The following PVT1 variants were observed in gnomAD, a reference collection of about 807,000 sequenced individuals.
The protein encoded by PVT1 is CXCR4/PVT1 fusion.
At chr8:127,847,824 C>T (rs1478156712) in intron 2 of PVT1, among the ~76,000 whole-genome samples, 2 of 152,004 alleles carry the variant, frequency 1.3e-5, no homozygotes, top group African/African-American at 2.4e-5. Flanking sequence ...GAAACCAACA[C>T]AAGTGGTGGC....
At chr8:127,973,023 C>G (rs938316136) in intron 3 of PVT1, among the ~76,000 whole-genome samples, 2 of 152,306 alleles carry the variant, frequency 1.3e-5, no homozygotes, top group East Asian at 1.9e-4. Flanking sequence ...TCCCGAGTAG[C>G]TAGGACTACA....
chr8:128,074,318 A>C (rs1316367232), intron 5 of PVT1, among the ~76,000 whole-genome samples: 3 of 152,068 alleles, frequency 2.0e-5, no homozygotes, highest in Non-Finnish European at 2.9e-5. Context: ...CAGCCTGGCC[A>C]ATATGGTGAT....
At chr8:127,981,746 C>G (rs976238532) in intron 3 of PVT1, among the ~76,000 whole-genome samples, 1 of 152,154 alleles carries the variant, frequency 6.6e-6, no homozygotes, top group East Asian at 1.9e-4. Context: ...CCAGATGCCT[C>G]CTTTCTTCCC....
chr8:127,883,041 G>A (rs558709446), intron 2 of PVT1, among the ~76,000 whole-genome samples: 94 of 143,078 alleles, frequency 6.6e-4, no homozygotes, highest in African/African-American at 2.4e-3. Context: ...ACACTTGCAC[G>A]CACACATGCA....
At chr8:127,920,781 C>T (rs897820974) in intron 3 of PVT1, among the ~76,000 whole-genome samples, 1 of 152,068 alleles carries the variant, frequency 6.6e-6, no homozygotes, top group Admixed American at 6.6e-5. Context: ...CACCAAATAA[C>T]TTAAAGGCAA....
At chr8:127,814,739 G>A (rs1425094506) in intron 2 of PVT1, among the ~76,000 whole-genome samples, 2 of 152,152 alleles carry the variant, frequency 1.3e-5, no homozygotes, top group African/African-American at 2.4e-5. Context: ...TAAGGCCATT[G>A]GTATTGTTGT....
At chr8:128,074,635 A>C (rs973790427) in intron 5 of PVT1, among the ~76,000 whole-genome samples, 1 of 146,908 alleles carries the variant, frequency 6.8e-6, no homozygotes, top group Non-Finnish European at 1.5e-5. Flanking sequence ...TGGTTTTGAC[A>C]GAATAGTTGG....
intron 2 of PVT1, among the ~76,000 whole-genome samples, chr8:127,841,242 G>A (rs780929368): frequency 4.0e-4 from 61 of 152,170 alleles, no homozygotes; most frequent in Non-Finnish European, 7.1e-4. Context: ...GAAGGAAGGG[G>A]AGGTAGGTAC....
chr8:128,039,108 C>T (rs528173220), intron 4 of PVT1, among the ~76,000 whole-genome samples: 33 of 152,274 alleles, frequency 2.2e-4, no homozygotes, highest in African/African-American at 7.7e-4. Flanking sequence ...TTTCTTCTGG[C>T]CACAATCAAA....
intron 2 of PVT1, among the ~76,000 whole-genome samples, chr8:127,845,611 A>C (rs900382076): frequency 2.0e-5 from 3 of 152,234 alleles, no homozygotes; most frequent in Non-Finnish European, 4.4e-5. Flanking sequence ...AGCAGACTCA[A>C]CATTATTGTC....
chr8:128,028,973 G>A (rs1454376145), intron 4 of PVT1, among the ~76,000 whole-genome samples: 1 of 151,968 alleles, frequency 6.6e-6, no homozygotes, highest in Non-Finnish European at 1.5e-5. Context: ...CTCCCAAGTA[G>A]TTGGGACTAC....
intron 5 of PVT1, among the ~76,000 whole-genome samples, chr8:128,078,214 C>A (rs1445322095): frequency 6.6e-6 from 1 of 152,210 alleles, no homozygotes; most frequent in Non-Finnish European, 1.5e-5. Context: ...AACATTTAAT[C>A]ATGTGTATCT....
chr8:127,891,257 G>A (rs901212472), intron 3 of PVT1, among the ~76,000 whole-genome samples: 1 of 152,236 alleles, frequency 6.6e-6, no homozygotes, highest in Admixed American at 6.5e-5. Flanking sequence ...TGCCTCTGCT[G>A]TTGGTTCTGT....
chr8:127,850,145 T>A (rs1008558872), intron 2 of PVT1, among the ~76,000 whole-genome samples: 1 of 152,106 alleles, frequency 6.6e-6, no homozygotes, highest in African/African-American at 2.4e-5. Flanking sequence ...TGAGGGACCC[T>A]GAGGGACTAG....
intron 2 of PVT1, among the ~76,000 whole-genome samples, chr8:127,835,308 A>C (rs1054416617): frequency 2.0e-5 from 3 of 152,216 alleles, no homozygotes; most frequent in Non-Finnish European, 4.4e-5. Flanking sequence ...GACTTGGATG[A>C]AGCTGGAAAC....
intron 3 of PVT1, among the ~76,000 whole-genome samples, chr8:127,931,561 G>T (rs1175891945): frequency 1.3e-5 from 2 of 152,198 alleles, no homozygotes; most frequent in East Asian, 1.9e-4. Context: ...TTATAGACAA[G>T]GCAACTGAGG....
chr8:127,975,432 C>T (rs896418943), intron 3 of PVT1, among the ~76,000 whole-genome samples: 7 of 151,942 alleles, frequency 4.6e-5, no homozygotes, highest in Non-Finnish European at 1.0e-4. Context: ...GTGTGTTTAC[C>T]AACTCTCTTT....
intron 3 of PVT1, among the ~76,000 whole-genome samples, chr8:127,908,184 C>T (rs752012600): frequency 1.5e-4 from 23 of 152,182 alleles, no homozygotes; most frequent in Admixed American, 4.6e-4. Context: ...AATACAACCA[C>T]ATTTTAGTAT....
At chr8:128,006,115 T>G (rs868782274) in intron 4 of PVT1, among the ~76,000 whole-genome samples, 2,013 of 116,326 alleles carry the variant, frequency 0.017, 49 homozygotes, top group African/African-American at 0.062. Flanking sequence ...ATAATAATAA[T>G]AATAATAATA....
Sources: gnomAD v4.1 joint callset for allele counts (sites outside exome capture counted in the v4.1 genomes callset) on GRCh38, gnomAD v4.1.1 for gene constraint, MANE v1.5 for transcripts, NCBI Gene and HGNC (gene_info 2026-07-23, HGNC 2026-07-21) for gene names.